MAML2: variants seen among roughly 807,000 people sequenced by gnomAD.
The protein encoded by MAML2 is mastermind like transcriptional coactivator 2.
MAML2 carries 22 observed loss-of-function variants against 96.1 expected under a neutral mutation model. The ratio of observed to expected loss-of-function variants is 0.23; its 90% CI spans 0.16 to 0.33. The LOEUF (loss-of-function observed/expected upper bound fraction) is 0.33, where lower values mean the gene tolerates loss of function less well. MAML2 is among the 10% of genes least tolerant of loss of function. The pLI is 1.00. For synonymous variants in MAML2, 561 were observed against 521.3 expected, an observed-to-expected ratio of 1.08 and a Z score of -1.04; for missense variants, 1,367 against 1,392.4, an observed-to-expected ratio of 0.98 and a Z score of 0.29.
chr11:96,113,161 T>G (rs1860160522), intron 1 of MAML2, among the ~76,000 whole-genome samples: 1 of 110,690 alleles, frequency 9.0e-6, no homozygotes, highest in African/African-American at 3.4e-5. Flanking sequence ...AATAGAAAAG[T>G]CTTTAAAAGA....
intron 1 of MAML2, among the ~76,000 whole-genome samples, chr11:96,139,175 G>A (rs1860690350): frequency 6.6e-6 from 1 of 152,058 alleles, no homozygotes; most frequent in African/African-American, 2.4e-5. Context: ...AGATACATTA[G>A]GCCTATCACT....
intron 2 of MAML2, among the ~76,000 whole-genome samples, chr11:96,069,522 A>G (rs537940791): frequency 7.9e-5 from 12 of 152,074 alleles, no homozygotes; most frequent in African/African-American, 2.9e-4. Context: ...AAAAAAGTAC[A>G]CAAAAATTAG....
chr11:96,057,452 A>G (rs1039924885), intron 2 of MAML2, among the ~76,000 whole-genome samples: 1 of 152,158 alleles, frequency 6.6e-6, no homozygotes, highest in Non-Finnish European at 1.5e-5. Flanking sequence ...TCTCCATCCA[A>G]AAACAAACAA....
intron 1 of MAML2, among the ~76,000 whole-genome samples, chr11:96,214,624 T>C (rs1862021074): frequency 6.6e-6 from 1 of 152,154 alleles, no homozygotes. Context: ...CTGATGCCAT[T>C]ATTTTCCTAA....
Position 96,212,108 on chromosome 11 carries a change from AGTGTGTGTGTGT to A in MAML2, c.514-118603_514-118592del, listed in dbSNP as rs72133828. Reference sequence around the variant, plus strand: ...AATTTAGGCTATAAAAGGAAGACAAAGTGTGTGTGTGTGTGTGTGTGTGTGTGTGTGTGTGTG... The same window carrying A: ...AATTTAGGCTATAAAAGGAAGACAAAGTGTGTGTGTGTGTGTGTGTGTGTG... On this transcript the variant is annotated intron_variant, in intron 1 of 4. Transcript: ENST00000524717. 2.6e-4 allele frequency among the ~76,000 whole-genome samples: 35 copies of A among 134,240 alleles called. 1 individual carries two copies. The highest frequency in any genetic ancestry group is 1.0e-3 in the Admixed American group (14 of 13,438). The allele number at this position is 134,240 out of a possible 152,430, so 88.1% of individuals were successfully genotyped here.
intron 2 of MAML2, among the ~76,000 whole-genome samples, chr11:95,993,346 T>C (rs1857942976): frequency 2.0e-5 from 3 of 152,118 alleles, no homozygotes; most frequent in African/African-American, 7.2e-5. Context: ...GGCAGGTGGT[T>C]CACCTGAGGT....
At chr11:96,284,868 T>C (rs1027551520) in intron 1 of MAML2, among the ~76,000 whole-genome samples, 2 of 152,232 alleles carry the variant, frequency 1.3e-5, no homozygotes, top group Non-Finnish European at 2.9e-5. Context: ...GAACCTGTAA[T>C]GTGCTGAACA....
At chr11:96,125,037 ATTT>A (rs1323098774) in intron 1 of MAML2, among the ~76,000 whole-genome samples, 2 of 152,098 alleles carry the variant, frequency 1.3e-5, no homozygotes, top group East Asian at 3.9e-4. Flanking sequence ...TCATTTTATT[ATTT>A]TATTATTACC....
intron 1 of MAML2, among the ~76,000 whole-genome samples, chr11:96,103,994 A>G (rs1447672362): frequency 6.6e-6 from 1 of 152,076 alleles, no homozygotes; most frequent in African/African-American, 2.4e-5. Flanking sequence ...TCCTTCTCCT[A>G]TCATAGTTAG....
chr11:96,263,677 C>G (rs372417752), intron 1 of MAML2, among the ~76,000 whole-genome samples: 1 of 152,214 alleles, frequency 6.6e-6, no homozygotes, highest in African/African-American at 2.4e-5. Context: ...TTATACAGTA[C>G]ATCCTCTAGC....
intron 1 of MAML2, among the ~76,000 whole-genome samples, chr11:96,299,060 A>AAATATATATATATATATAT (rs55878534): frequency 7.1e-5 from 4 of 56,340 alleles, no homozygotes; most frequent in Admixed American, 2.2e-4. Flanking sequence ...AAAAAAAAAA[A>AAATATATATATATATATAT]ATATATATAT....
intron 1 of MAML2, among the ~76,000 whole-genome samples, chr11:96,149,807 T>A (rs763187890): frequency 3.3e-5 from 5 of 152,138 alleles, no homozygotes; most frequent in Non-Finnish European, 5.9e-5. Flanking sequence ...CTTCTCTTTG[T>A]CTCCTTCTGT....
intron 1 of MAML2, among the ~76,000 whole-genome samples, chr11:96,117,758 C>T (rs1286373746): frequency 6.6e-6 from 1 of 152,082 alleles, no homozygotes; most frequent in African/African-American, 2.4e-5. Flanking sequence ...CTGCTGAAAG[C>T]TCACCACACC....
At chr11:96,288,561 A>G (rs902390891) in intron 1 of MAML2, among the ~76,000 whole-genome samples, 2 of 149,526 alleles carry the variant, frequency 1.3e-5, no homozygotes, top group South Asian at 2.1e-4. Flanking sequence ...AAAAAAAAAA[A>G]CAACCAAAAA....
chr11:96,327,288 G>A (rs945563391), intron 1 of MAML2, among the ~76,000 whole-genome samples: 2 of 152,196 alleles, frequency 1.3e-5, no homozygotes, highest in Non-Finnish European at 2.9e-5. Flanking sequence ...TTAAAGCCTG[G>A]ACCCGAATGG....
At chr11:96,132,015 A>C (rs1372780832) in intron 1 of MAML2, among the ~76,000 whole-genome samples, 2 of 152,222 alleles carry the variant, frequency 1.3e-5, no homozygotes, top group Non-Finnish European at 2.9e-5. Flanking sequence ...GTCTCAAAAA[A>C]TAAAAATATA....
intron 1 of MAML2, among the ~76,000 whole-genome samples, chr11:96,211,429 G>C (rs542176165): frequency 1.5e-4 from 22 of 146,898 alleles, no homozygotes; most frequent in Admixed American, 1.3e-3. Flanking sequence ...TGTCCAATGT[G>C]ATAGGGTCTT....
intron 1 of MAML2, among the ~76,000 whole-genome samples, chr11:96,299,080 T>TATATATATATATAA (rs1863351291): frequency 7.4e-6 from 1 of 135,442 alleles, no homozygotes; most frequent in Non-Finnish European, 1.6e-5. Context: ...TATATATATA[T>TATATATATATATAA]AAAATTTCAC....
chr11:96,339,870 G>A (rs1246609218), intron 1 of MAML2, among the ~76,000 whole-genome samples: 3 of 152,136 alleles, frequency 2.0e-5, no homozygotes, highest in Admixed American at 2.0e-4. Flanking sequence ...GGAATTCCAG[G>A]GAGAAGCGGG....
Sources: gnomAD v4.1 joint callset for allele counts (sites outside exome capture counted in the v4.1 genomes callset) on GRCh38, gnomAD v4.1.1 for gene constraint, MANE v1.5 for transcripts, NCBI Gene and HGNC (gene_info 2026-07-23, HGNC 2026-07-21) for gene names.